Variants in PLEKHJ1 observed in about 807,000 individuals in gnomAD.
PLEKHJ1 encodes the protein pleckstrin homology domain containing J1.
PLEKHJ1 carries 20 observed loss-of-function variants against 21.7 expected under a neutral mutation model. The observed-to-expected ratio is 0.92, with a 90% CI of 0.65 to 1.34. PLEKHJ1 has a LOEUF of 1.34. Ranked by LOEUF, PLEKHJ1 falls within the 40% of genes most tolerant of loss-of-function variation. PLEKHJ1 has a pLI of 0.00. For synonymous variants in PLEKHJ1, 113 were observed against 80.6 expected (o/e 1.40, Z -2.15); for missense variants, 241 against 202.0 (o/e 1.19, Z -1.17).
chr19:2,232,385 A>C (rs2024643958), downstream of PLEKHJ1: 2 of 179,904 alleles, frequency 1.1e-5, no homozygotes, highest in Non-Finnish European at 2.2e-5. Flanking sequence ...CCCCCTCCCA[A>C]CACAACACGC....
chr19:2,230,786 C>T (rs1420830722), downstream of PLEKHJ1: 4 of 390,814 alleles, frequency 1.0e-5, no homozygotes, highest in East Asian at 7.2e-5. Flanking sequence ...ACAAAATGGC[C>T]CCAGCGTCAG....
intron 1 of PLEKHJ1, 59 bp from the exon 2 acceptor site, chr19:2,236,049 C>G (rs942845750): frequency 2.0e-6 from 3 of 1,489,374 alleles, no homozygotes; most frequent in Non-Finnish European, 2.7e-6. Context: ...CCCGGCCTCC[C>G]GTCCCCGGCG....
downstream of PLEKHJ1, chr19:2,232,333 C>T: frequency 4.8e-6 from 1 of 206,716 alleles, no homozygotes; most frequent in East Asian, 7.2e-5. Context: ...GGTCAGCAGG[C>T]CCCCCACCCC....
Position 2,233,598 on chromosome 19 carries a change from G to C in PLEKHJ1, c.*242C>G, listed in dbSNP as rs1429134378. ...CTGAAAATCCAGGTGTGATGGCCGG[G>C]TGTGGCGGCTCATGCCTGTGATCCC... On this transcript the variant is annotated 3_prime_UTR_variant, in exon 6 of 6. Coordinates refer to ENST00000326631, the MANE Select transcript of PLEKHJ1 (RefSeq NM_018049.3). The C allele has an allele frequency of 3.6e-6, 2 of 551,632 alleles. No homozygotes were observed. The highest frequency in any genetic ancestry group is 6.4e-6 in the Non-Finnish European group (2 of 312,572). The allele number at this position is 551,632 out of a possible 1,614,324, so 34.2% of individuals were successfully genotyped here.
chr19:2,232,765 A>G (rs185769654), downstream of PLEKHJ1, among the ~76,000 whole-genome samples: 2 of 152,122 alleles, frequency 1.3e-5, no homozygotes, highest in Admixed American at 1.3e-4. Flanking sequence ...GCACCAGGCC[A>G]CAGGCAAGGG....
rs1238234391 is a variant in PLEKHJ1, at chr19:2,236,102, C to G, written c.94+53G>C. On this transcript the variant is annotated intron_variant, in intron 1 of 5. Transcript: ENST00000326631. ...GCCTCCGGCACCCCCGCCCAGACCC[C>G]GGCCCCGGCCTCCCGCCCCTGGCAC... is the stretch of plus-strand genomic sequence containing the variant. The G allele has an allele frequency of 7.1e-6, 10 of 1,403,596 alleles. No individual in the cohort carries two copies. The African/African-American group carries it at 1.5e-4, about 21-fold the overall frequency. The allele number at this position is 1,403,596 out of a possible 1,614,324, so 86.9% of individuals were successfully genotyped here.
intron 3 of PLEKHJ1, 91 bp downstream of exon 3, chr19:2,235,671 G>A (rs1238723363): frequency 3.6e-6 from 4 of 1,123,034 alleles, no homozygotes; most frequent in South Asian, 1.4e-5. Flanking sequence ...GGGACACAGA[G>A]GAGACCTTGG....
Position 2,235,830 on chromosome 19 carries a change from TGGA to T in PLEKHJ1, c.163-5_163-3del. 3.8e-6 allele frequency: 6 copies of T among 1,558,604 alleles called. No homozygotes were observed. The East Asian group carries it at 7.2e-5, about 19-fold the overall frequency. On this transcript the variant is annotated splice_region_variant and splice_polypyrimidine_tract_variant and intron_variant, in intron 2 of 5. Transcript: ENST00000326631. The stretch of plus-strand genomic sequence containing the variant: ...CTCCAGCAGCAGGGCTCCGACGGGC[TGGA>T]GGAGACACGGGCGCCGGGACGGGGC...
At chr19:2,230,693 C>G (rs752645508), downstream of PLEKHJ1, 1 of 397,970 alleles carries the variant, frequency 2.5e-6, no homozygotes, top group Non-Finnish European at 4.4e-6. Context: ...ATAGATTTGA[C>G]AGCTTTTATT....
rs1568384118 is a variant in PLEKHJ1 at position 2,234,029 on chromosome 19, T to C, written c.353A>G (p.Tyr118Cys). ...CGTCACCTTCCGGATTTCGTTCCTG[T>C]AGAAGATGAGGCTTCTCCGCATGAA... ...YEFMRRSLIFYRNEIRKVTGK... is the reference protein window; with the variant it reads ...YEFMRRSLIFCRNEIRKVTGK... The change falls in exon 5 of 6, where the codon TAC becomes TGC. Residue 118 changes from tyrosine (Y) to cysteine (C), a missense_variant. Tyr to Cys is a radical substitution (Grantham distance 194). Transcript: ENST00000326631. 4 of 1,613,516 alleles carry C rather than the reference T, an allele frequency of 2.5e-6. No homozygotes were observed. The Admixed American group carries it at 6.7e-5, about 27-fold the overall frequency.
At chr19:2,230,393 T>C, downstream of PLEKHJ1, 1 of 405,750 alleles carries the variant, frequency 2.5e-6, no homozygotes, top group Non-Finnish European at 4.3e-6. Flanking sequence ...ACCCCGGCAC[T>C]GTGAACCCCC....
intron 5 of PLEKHJ1, 29 bp from the exon 6 acceptor site, chr19:2,233,934 A>G (rs2024698328): frequency 6.2e-7 from 1 of 1,612,454 alleles, no homozygotes; most frequent in Non-Finnish European, 8.5e-7. Context: ...GCCATGAGCC[A>G]GGGCTGGAGG....
At chr19:2,231,322 A>G (rs2024588487), downstream of PLEKHJ1, 1 of 216,500 alleles carries the variant, frequency 4.6e-6, no homozygotes, top group Admixed American at 5.8e-5. Context: ...GGGAGCTGCC[A>G]GCCCTGTGTT....
Position 2,236,241 on chromosome 19 carries a change from T to C in PLEKHJ1, c.8A>G (p.Tyr3Cys). The change falls in exon 1 of 6, where the codon TAC becomes TGC. Residue 3 changes from tyrosine (Y) to cysteine (C), a missense_variant. Physicochemically the swap from Tyr to Cys is radical, Grantham distance 194 (BLOSUM62 -2). Coordinates refer to ENST00000326631, the MANE Select transcript of PLEKHJ1 (RefSeq NM_018049.3). MR[Y>C]NEKELQALSR... ...CAGAGCCTGCAGCTCCTTCTCGTTG[T>C]ACCGCATGGCTCCGCGGGGAACGGG... The C allele has an allele frequency of 7.0e-7, 1 of 1,432,374 alleles. No homozygotes were observed. Among genetic ancestry groups the C allele is most frequent in the East Asian group, 3.0e-5 (1 of 33,496 alleles). 88.7% of individuals were successfully genotyped at this position (1,432,374 alleles called of 1,614,324 possible).
At chr19:2,235,695 G>T (rs969918616) in intron 3 of PLEKHJ1, 67 bp downstream of exon 3, 11 of 1,429,462 alleles carry the variant, frequency 7.7e-6, no homozygotes, top group Non-Finnish European at 2.9e-6. Flanking sequence ...CCCGGGGAGG[G>T]GAAAGTGCGG....
chr19:2,233,973 C>T (rs767784423), intron 5 of PLEKHJ1, 25 bp downstream of exon 5: 19 of 1,611,986 alleles, frequency 1.2e-5, no homozygotes, highest in Admixed American at 6.7e-5. Context: ...AGCCCCACCC[C>T]GGCCCTCTGC....
downstream of PLEKHJ1, chr19:2,230,298 G>C (rs1224777801): frequency 2.4e-6 from 1 of 416,586 alleles, no homozygotes; most frequent in Non-Finnish European, 4.2e-6. Flanking sequence ...AGGCAGGCCC[G>C]TCGCCACCAC....
downstream of PLEKHJ1, chr19:2,230,099 CTATA>C: frequency 7.1e-6 from 4 of 560,912 alleles, no homozygotes; most frequent in Admixed American, 1.4e-4. Flanking sequence ...TATGAGAGCT[CTATA>C]TAAAGACACG....
At position 2,236,280 on chromosome 19, in the gene PLEKHJ1, C is replaced by T. The variant is rs2024811968; in HGVS notation, c.-32G>A. 1 of 1,300,302 alleles carries T rather than the reference C, an allele frequency of 7.7e-7. No homozygotes were observed. The highest frequency in any genetic ancestry group is 9.9e-7 in the Non-Finnish European group (1 of 1,011,280). 80.5% of individuals were successfully genotyped at this position (1,300,302 alleles called of 1,614,324 possible). On this transcript the variant is annotated 5_prime_UTR_variant, in exon 1 of 6. Coordinates refer to ENST00000326631, the MANE Select transcript of PLEKHJ1 (RefSeq NM_018049.3). ...GCGGGGAACGGGAACCCGGGCCGCG[C>T]CCTCCCGGCCGCCGTCCCCGCTCAG...
Sources: allele counts gnomAD v4.1 joint callset (sites outside exome capture counted in the v4.1 genomes callset), GRCh38; gene constraint gnomAD v4.1.1; transcripts MANE v1.5; gene names NCBI Gene and HGNC (gene_info 2026-07-23, HGNC 2026-07-21).